Variants in ME1 observed in about 807,000 individuals in gnomAD.
ME1 encodes the protein NADP-dependent malic enzyme.
ME1 carries 74 observed loss-of-function variants against 66.4 expected under a neutral mutation model. That is an observed-to-expected ratio of 1.11 (90% CI 0.92 to 1.35). ME1 has a LOEUF of 1.35. Ranked by LOEUF, ME1 falls within the 40% of genes most tolerant of loss-of-function variation. The pLI is 0.00. For missense variants in ME1, 750 were observed against 694.1 expected (o/e 1.08, Z -0.90); for synonymous variants, 251 against 235.6 (o/e 1.07, Z -0.60).
At chr6:83,388,650 TTC>T (rs1423785159) in intron 3 of ME1, among the ~76,000 whole-genome samples, 20 of 152,302 alleles carry the variant, frequency 1.3e-4, no homozygotes, top group African/African-American at 4.1e-4. Flanking sequence ...TTTCATTTAA[TTC>T]TGTTTTTCTC....
chr6:83,411,154 G>A (rs777066964), intron 1 of ME1, among the ~76,000 whole-genome samples: 3 of 152,066 alleles, frequency 2.0e-5, no homozygotes, highest in African/African-American at 2.4e-5. Flanking sequence ...CAGGGCAGGC[G>A]GGAGTTTGAG....
At chr6:83,281,846 C>CAAAAA (rs1562468375) in intron 6 of ME1, among the ~76,000 whole-genome samples, 2 of 67,724 alleles carry the variant, frequency 3.0e-5, no homozygotes, top group Admixed American at 1.7e-4. Context: ...GAAAAGAAAA[C>CAAAAA]AAAAAAGAGA....
Position 83,277,901 on chromosome 6 carries a change from A to AAATAATAATAATAATTATAATAATAAT in ME1, c.705-24164_705-24163insATTATTATTATAATTATTATTATTATT, listed in dbSNP as rs1767215932. ...TGGGCGATAGTGAGACTGTATCTCA[A>AAATAATAATAATAATTATAATAATAAT]AATAATAATAATAATAATAATAATA... On this transcript the variant is annotated intron_variant, in intron 6 of 13. Transcript: ENST00000369705. 2.1e-5 allele frequency among the ~76,000 whole-genome samples: 3 copies of AAATAATAATAATAATTATAATAATAAT among 144,098 alleles called. No individual in the cohort carries two copies. The East Asian group carries it at 6.0e-4, about 29-fold the overall frequency. The allele number at this position is 144,098 out of a possible 152,430, so 94.5% of individuals were successfully genotyped here. A position where few individuals can be genotyped will look rare whatever the true frequency, so the allele number is the denominator to read the frequency against.
At chr6:83,261,420 A>ATGTT (rs1766885933) in intron 6 of ME1, among the ~76,000 whole-genome samples, 1 of 110,896 alleles carries the variant, frequency 9.0e-6, no homozygotes, top group Admixed American at 9.7e-5. Flanking sequence ...TCTGTTGGTA[A>ATGTT]TTTTTTTTTT....
chr6:83,216,361 C>A lies in ME1; in HGVS notation c.1548+137G>T, dbSNP rs1020065030. ...TCCTAAGCTCTACAGTGTCAGTGTG[C>A]CTCATTTCTCTGACTTCTGACATAG... On this transcript the variant is annotated intron_variant, in intron 13 of 13. Transcript: ENST00000369705. The A allele has an allele frequency of 7.3e-6, 5 of 681,248 alleles. No individual in the cohort carries two copies. In the Admixed American group the frequency reaches 1.1e-4, roughly 15 times the overall value. The allele number at this position is 681,248 out of a possible 1,614,324, so 42.2% of individuals were successfully genotyped here.
intron 4 of ME1, among the ~76,000 whole-genome samples, chr6:83,349,516 T>G (rs1257333185): frequency 6.6e-6 from 1 of 152,218 alleles, no homozygotes; most frequent in Non-Finnish European, 1.5e-5. Context: ...AACTTCTGTA[T>G]GAAATACGCA....
intron 7 of ME1, among the ~76,000 whole-genome samples, chr6:83,248,767 T>C (rs1223034538): frequency 6.6e-6 from 1 of 152,226 alleles, no homozygotes; most frequent in Non-Finnish European, 1.5e-5. Context: ...GTAAGTTTCC[T>C]GAGGCCTCCT....
At chr6:83,381,178 C>A (rs1285036340) in intron 3 of ME1, among the ~76,000 whole-genome samples, 3 of 151,916 alleles carry the variant, frequency 2.0e-5, no homozygotes, top group Non-Finnish European at 4.4e-5. Flanking sequence ...AGCACTCCAC[C>A]CCCACATTAA....
chr6:83,249,978 A>C (rs1031358463), intron 7 of ME1, among the ~76,000 whole-genome samples: 7 of 152,194 alleles, frequency 4.6e-5, no homozygotes, highest in African/African-American at 1.7e-4. Context: ...CAAATACAAT[A>C]AAATATCTAA....
At chr6:83,282,457 T>C (rs901412703) in intron 6 of ME1, among the ~76,000 whole-genome samples, 1 of 152,188 alleles carries the variant, frequency 6.6e-6, no homozygotes, top group Non-Finnish European at 1.5e-5. Context: ...GTGAAGGATA[T>C]GAACAGACAC....
intron 3 of ME1, among the ~76,000 whole-genome samples, chr6:83,387,910 T>C (rs1769541966): frequency 6.6e-6 from 1 of 152,136 alleles, no homozygotes; most frequent in Non-Finnish European, 1.5e-5. Context: ...AATATTAATA[T>C]GCAAGTTAAA....
chr6:83,217,275 C>A (rs1190914239), intron 12 of ME1, among the ~76,000 whole-genome samples: 1 of 152,090 alleles, frequency 6.6e-6, no homozygotes, highest in Non-Finnish European at 1.5e-5. Context: ...TAGATGGGGG[C>A]AAATCTAAAT....
intron 2 of ME1, among the ~76,000 whole-genome samples, chr6:83,399,161 A>T (rs1257971129): frequency 2.7e-5 from 4 of 149,550 alleles, no homozygotes; most frequent in African/African-American, 9.8e-5. Context: ...AGCCCGGCTA[A>T]TTTTTTTTGT....
At chr6:83,403,715 T>C (rs962517579) in intron 2 of ME1, among the ~76,000 whole-genome samples, 25 of 152,172 alleles carry the variant, frequency 1.6e-4, no homozygotes, top group African/African-American at 6.0e-4. Flanking sequence ...TGTGTTCTCA[T>C]TGTTCAATTC....
chr6:83,376,638 C>CAA (rs1347994901), intron 3 of ME1, among the ~76,000 whole-genome samples: 16 of 135,514 alleles, frequency 1.2e-4, no homozygotes, highest in African/African-American at 3.3e-4. Flanking sequence ...CCATCTCTGT[C>CAA]AAAAAAAAAA....
chr6:83,250,144 C>T (rs1325759840), intron 7 of ME1, among the ~76,000 whole-genome samples: 4 of 151,660 alleles, frequency 2.6e-5, no homozygotes, highest in African/African-American at 4.9e-5. Context: ...AGTCCGTTGG[C>T]TCTCTAGTTC....
intron 3 of ME1, chr6:83,392,778 C>G: frequency 1.5e-6 from 1 of 684,572 alleles, no homozygotes. Flanking sequence ...CGGTCATCAT[C>G]TCTGCACCCT....
intron 5 of ME1, among the ~76,000 whole-genome samples, chr6:83,341,380 T>C (rs1439019168): frequency 6.6e-6 from 1 of 152,190 alleles, no homozygotes; most frequent in Non-Finnish European, 1.5e-5. Context: ...AGTGAGTTTT[T>C]TGAGTCTTAG....
intron 3 of ME1, among the ~76,000 whole-genome samples, chr6:83,382,787 T>G (rs764263976): frequency 2.0e-5 from 3 of 150,464 alleles, no homozygotes; most frequent in Non-Finnish European, 2.9e-5. Flanking sequence ...CAATCTAAGA[T>G]AAGAAGACTC....
Sources: gnomAD v4.1 joint callset for allele counts (sites outside exome capture counted in the v4.1 genomes callset) on GRCh38, gnomAD v4.1.1 for gene constraint, MANE v1.5 for transcripts, NCBI Gene and HGNC (gene_info 2026-07-23, HGNC 2026-07-21) for gene names.